Variants in KDM4C observed in about 807,000 individuals in gnomAD.
The protein encoded by KDM4C is lysine-specific demethylase 4C.
A neutral mutation model predicts 129.3 loss-of-function variants in KDM4C; 81 were observed. The ratio of observed to expected loss-of-function variants is 0.63; its 90% CI spans 0.52 to 0.75. KDM4C has a LOEUF of 0.75. Among genes scored for constraint, KDM4C ranks in the 30% least tolerant of loss-of-function variants. The probability of loss-of-function intolerance (pLI) is 0.00; values close to 1 mark genes in which losing one functional copy is unlikely to be tolerated. For missense variants in KDM4C, 1,457 were observed against 1,304.0 expected (o/e 1.12, Z -1.81); for synonymous variants, 573 against 456.1 (o/e 1.26, Z -3.26).
intron 5 of KDM4C, among the ~76,000 whole-genome samples, chr9:6,879,658 C>T (rs1472635609): frequency 6.6e-6 from 1 of 152,146 alleles, no homozygotes; most frequent in East Asian, 1.9e-4. Context: ...ACAACCAAAA[C>T]AACCCTAGAG....
chr9:6,773,384 T>A (rs1367871448), intron 1 of KDM4C, among the ~76,000 whole-genome samples: 1 of 152,142 alleles, frequency 6.6e-6, no homozygotes, highest in Non-Finnish European at 1.5e-5. Context: ...AGTGTCATTG[T>A]TGATGTTATA....
intron 15 of KDM4C, among the ~76,000 whole-genome samples, chr9:7,020,188 T>C (rs969144255): frequency 6.6e-6 from 1 of 152,234 alleles, no homozygotes; most frequent in Non-Finnish European, 1.5e-5. Context: ...GAGGAGAGAT[T>C]AGTTACAATT....
chr9:6,826,559 A>G (rs1211858463), intron 4 of KDM4C, among the ~76,000 whole-genome samples: 2 of 152,180 alleles, frequency 1.3e-5, no homozygotes, highest in Non-Finnish European at 2.9e-5. Context: ...TTCTTCAACA[A>G]GATGATTGAA....
chr9:6,902,840 T>G (rs958506285), intron 8 of KDM4C: 7 of 152,188 alleles, frequency 4.6e-5, no homozygotes, highest in African/African-American at 1.4e-4. Context: ...TTTGCTAAAA[T>G]GAAGGCAGTA....
At chr9:6,770,076 G>T (rs1821435754) in intron 1 of KDM4C, among the ~76,000 whole-genome samples, 1 of 152,130 alleles carries the variant, frequency 6.6e-6, no homozygotes, top group South Asian at 2.1e-4. Context: ...GTACTTGGGA[G>T]GCTGAGGCAG....
intron 3 of KDM4C, among the ~76,000 whole-genome samples, 191 bp from the exon 4 acceptor site, chr9:6,814,440 T>A (rs762960797): frequency 6.6e-6 from 1 of 152,208 alleles, no homozygotes; most frequent in Non-Finnish European, 1.5e-5. Context: ...TAATATTGAG[T>A]ATTCAGCAAT....
intron 1 of KDM4C, among the ~76,000 whole-genome samples, chr9:6,734,229 C>A (rs1012858956): frequency 6.7e-6 from 1 of 150,360 alleles, no homozygotes; most frequent in African/African-American, 2.5e-5. Flanking sequence ...TTCTAGGCTG[C>A]TACCTGGATA....
At chr9:6,824,327 G>C (rs1298573810) in intron 4 of KDM4C, among the ~76,000 whole-genome samples, 1 of 152,142 alleles carries the variant, frequency 6.6e-6, no homozygotes, top group African/African-American at 2.4e-5. Context: ...CATGGCATTG[G>C]AAAAATAGCT....
chr9:6,822,896 T>C (rs1306133008), intron 4 of KDM4C, among the ~76,000 whole-genome samples: 1 of 152,238 alleles, frequency 6.6e-6, no homozygotes, highest in Non-Finnish European at 1.5e-5. Flanking sequence ...ATCTCTTTTT[T>C]TCTGTGTGTG....
rs184354309 is a variant in KDM4C at position 6,960,919 on chromosome 9, C to T, written c.922-20006C>T. ...GAGCACTACAGTCTAGTGTGGGAAA[C>T]GGACAACCACACAGAAAAATGACAT... On this transcript the variant is annotated intron_variant, in intron 8 of 21. Coordinates refer to ENST00000381309, the MANE Select transcript of KDM4C (RefSeq NM_015061.6). 5.3e-5 allele frequency among the ~76,000 whole-genome samples: 8 copies of T among 152,260 alleles called. No homozygotes were observed. In the East Asian group the frequency reaches 7.7e-4, roughly 15 times the overall value.
At chr9:6,779,208 T>G (rs760954831) in intron 1 of KDM4C, among the ~76,000 whole-genome samples, 19 of 151,584 alleles carry the variant, frequency 1.3e-4, no homozygotes, top group Non-Finnish European at 2.6e-4. Flanking sequence ...CTTTGTATTT[T>G]TAGTAGAGAT....
At chr9:6,958,938 A>G (rs961332533) in intron 8 of KDM4C, among the ~76,000 whole-genome samples, 1 of 152,264 alleles carries the variant, frequency 6.6e-6, no homozygotes, top group Non-Finnish European at 1.5e-5. Flanking sequence ...GTGAGCCACC[A>G]TGCCCAGCCT....
At chr9:6,740,630 T>C (rs899504610) in intron 1 of KDM4C, among the ~76,000 whole-genome samples, 1 of 152,154 alleles carries the variant, frequency 6.6e-6, no homozygotes, top group African/African-American at 2.4e-5. Context: ...GCGATTCTCC[T>C]GCCTCAGCCT....
At chr9:6,730,650 T>C (rs1248828352) in intron 1 of KDM4C, among the ~76,000 whole-genome samples, 3 of 151,736 alleles carry the variant, frequency 2.0e-5, no homozygotes, top group African/African-American at 7.3e-5. Context: ...AATAATTTAA[T>C]TGAGCAATGA....
At chr9:7,116,294 G>A (rs983537065) in intron 18 of KDM4C, among the ~76,000 whole-genome samples, 2 of 151,740 alleles carry the variant, frequency 1.3e-5, no homozygotes, top group Non-Finnish European at 2.9e-5. Context: ...AGAAGAAAAT[G>A]CAAAATTTGG....
chr9:7,082,587 G>A (rs767466940), intron 17 of KDM4C, among the ~76,000 whole-genome samples: 1 of 152,154 alleles, frequency 6.6e-6, no homozygotes, highest in African/African-American at 2.4e-5. Context: ...TCATGGGGCT[G>A]CGGGCAGTCC....
chr9:6,730,435 G>C (rs1165616769), intron 1 of KDM4C, among the ~76,000 whole-genome samples: 1 of 151,816 alleles, frequency 6.6e-6, no homozygotes, highest in Non-Finnish European at 1.5e-5. Flanking sequence ...CTAACATGGT[G>C]AAACCCCATC....
intron 15 of KDM4C, 38 bp downstream of exon 15, chr9:7,015,967 C>A (rs368234970): frequency 7.1e-7 from 1 of 1,399,850 alleles, no homozygotes; most frequent in Non-Finnish European, 1.0e-6. Flanking sequence ...ACCTTTCTTC[C>A]CACCCTACCC....
At chr9:6,788,350 T>C (rs1475872655) in intron 1 of KDM4C, among the ~76,000 whole-genome samples, 2 of 152,192 alleles carry the variant, frequency 1.3e-5, no homozygotes, top group Non-Finnish European at 2.9e-5. Flanking sequence ...TTCCTCTGCC[T>C]AGGGAAATGC....
Sources: gnomAD v4.1 joint callset for allele counts (sites outside exome capture counted in the v4.1 genomes callset) on GRCh38, gnomAD v4.1.1 for gene constraint, MANE v1.5 for transcripts, NCBI Gene and HGNC (gene_info 2026-07-23, HGNC 2026-07-21) for gene names.